CFAP299: variants seen among roughly 807,000 people sequenced by gnomAD.
CFAP299 encodes the protein cilia and flagella associated protein 299, also known as cilia- and flagella-associated protein 299.
In CFAP299, 21 loss-of-function variants were observed where a neutral mutation model predicts 27.0. That is an observed-to-expected ratio of 0.78 (90% CI 0.55 to 1.12). CFAP299 has a LOEUF of 1.12. Ranked by LOEUF, CFAP299 falls within the 50% of genes most tolerant of loss-of-function variation. The pLI, the probability that CFAP299 is intolerant of heterozygous loss-of-function variation, is 0.00. For missense variants in CFAP299, 310 were observed against 276.6 expected (o/e 1.12, Z -0.86); for synonymous variants, 104 against 98.1 (o/e 1.06, Z -0.36).
intron 3 of CFAP299, among the ~76,000 whole-genome samples, chr4:80,631,916 T>C (rs1739234699): frequency 1.6e-5 from 2 of 128,262 alleles, no homozygotes; most frequent in Admixed American, 9.8e-5. Flanking sequence ...AATGTGCTGG[T>C]ATTAGGCAGT....
intron 3 of CFAP299, among the ~76,000 whole-genome samples, chr4:80,841,304 A>T (rs1050108556): frequency 2.6e-5 from 4 of 151,984 alleles, no homozygotes; most frequent in African/African-American, 9.7e-5. Context: ...AGGCCACTAA[A>T]CTCCACCTAT....
intron 2 of CFAP299, among the ~76,000 whole-genome samples, chr4:80,483,396 T>C (rs1730660997): frequency 6.6e-6 from 1 of 152,218 alleles, no homozygotes; most frequent in African/African-American, 2.4e-5. Context: ...ATTCTCTTTC[T>C]AATTAAATTT....
At chr4:80,701,452 G>A (rs1297051958) in intron 3 of CFAP299, among the ~76,000 whole-genome samples, 1 of 151,960 alleles carries the variant, frequency 6.6e-6, no homozygotes, top group Non-Finnish European at 1.5e-5. Flanking sequence ...GACTCTTTTG[G>A]CAAGGAGTGA....
intron 2 of CFAP299, among the ~76,000 whole-genome samples, chr4:80,497,761 TAA>T (rs1474041130): frequency 6.6e-6 from 1 of 152,060 alleles, no homozygotes; most frequent in Non-Finnish European, 1.5e-5. Context: ...AAAACTATAC[TAA>T]AAGTCACATG....
intron 2 of CFAP299, among the ~76,000 whole-genome samples, chr4:80,463,808 A>T: frequency 6.6e-6 from 1 of 152,094 alleles, no homozygotes; most frequent in East Asian, 1.9e-4. Flanking sequence ...TTCAGTCCAT[A>T]ACATTATACT....
chr4:80,916,467 C>A (rs1340235477), intron 4 of CFAP299, among the ~76,000 whole-genome samples: 2 of 151,546 alleles, frequency 1.3e-5, no homozygotes, highest in African/African-American at 2.4e-5. Context: ...TTATAAATTT[C>A]TGACGCTTGT....
chr4:80,479,800 C>T (rs1730463439), intron 2 of CFAP299, among the ~76,000 whole-genome samples: 1 of 151,808 alleles, frequency 6.6e-6, no homozygotes, highest in Non-Finnish European at 1.5e-5. Flanking sequence ...ATAAAGTTAG[C>T]CTAAATCTTG....
intron 3 of CFAP299, among the ~76,000 whole-genome samples, chr4:80,843,677 C>T (rs763502552): frequency 1.3e-5 from 2 of 152,094 alleles, no homozygotes; most frequent in Non-Finnish European, 2.9e-5. Context: ...AATGGCTGAA[C>T]TAGTTTACAG....
chr4:80,393,282 A>T lies in CFAP299; in HGVS notation c.242+30398A>T, dbSNP rs115033969. On this transcript the variant is annotated intron_variant, in intron 2 of 5. Coordinates refer to ENST00000358105, the MANE Select transcript of CFAP299 (RefSeq NM_152770.3). ...TACAAAAGAGACAGAAAAGTAAAAA[A>T]TTGTAAAAGTTTATAAAATAAAAAG... 8.4e-4 allele frequency among the ~76,000 whole-genome samples: 128 copies of T among 152,324 alleles called. 1 individual carries two copies. Among genetic ancestry groups the T allele is most frequent in the African/African-American group, 3.0e-3 (126 of 41,580 alleles).
intron 2 of CFAP299, chr4:80,388,184 GA>G: frequency 1.5e-6 from 1 of 689,272 alleles, no homozygotes. Flanking sequence ...AGGAGGGGGT[GA>G]AGGCTAGGTG....
the CFAP299 span, among the ~76,000 whole-genome samples, chr4:80,324,988 T>C: frequency 6.6e-6 from 1 of 152,154 alleles, no homozygotes; most frequent in South Asian, 2.1e-4. Flanking sequence ...TTGGGCATGG[T>C]GGCACGTGCC....
chr4:80,663,273 A>C (rs1399018187), intron 3 of CFAP299, among the ~76,000 whole-genome samples: 1 of 152,004 alleles, frequency 6.6e-6, no homozygotes, highest in Non-Finnish European at 1.5e-5. Flanking sequence ...TCCTAATGCT[A>C]TCCCTCCTTC....
intron 3 of CFAP299, among the ~76,000 whole-genome samples, chr4:80,864,555 TATA>T (rs1732604615): frequency 6.7e-6 from 1 of 148,402 alleles, no homozygotes; most frequent in Non-Finnish European, 1.5e-5. Flanking sequence ...GGTATATATA[TATA>T]ATAACTAAAA....
intron 3 of CFAP299, among the ~76,000 whole-genome samples, chr4:80,776,739 A>G (rs1480798969): frequency 1.3e-5 from 2 of 152,086 alleles, no homozygotes; most frequent in Non-Finnish European, 2.9e-5. Flanking sequence ...GTATCCCGGA[A>G]CTTAAAGTAA....
At chr4:80,450,978 T>C (rs1187531275) in intron 2 of CFAP299, among the ~76,000 whole-genome samples, 1 of 151,838 alleles carries the variant, frequency 6.6e-6, no homozygotes, top group African/African-American at 2.4e-5. Context: ...TACCCAGCCC[T>C]GTAGGTAGCA....
At chr4:80,806,870 T>C (rs1728891159) in intron 3 of CFAP299, among the ~76,000 whole-genome samples, 1 of 152,140 alleles carries the variant, frequency 6.6e-6, no homozygotes, top group African/African-American at 2.4e-5. Context: ...CAGTAGAAAA[T>C]CCCAGGACAT....
At position 80,617,222 on chromosome 4, in the gene CFAP299, G is replaced by C. The variant is rs1355121895; in HGVS notation, c.333+34039G>C. On this transcript the variant is annotated intron_variant, in intron 3 of 5. Coordinates refer to ENST00000358105, the MANE Select transcript of CFAP299 (RefSeq NM_152770.3). Reference sequence around the variant, plus strand: ...CCCTTGGAGATGTAACAGGAGATTAGTTCTGAATGGGAAAATTTGGGAGTG... The same window carrying C: ...CCCTTGGAGATGTAACAGGAGATTACTTCTGAATGGGAAAATTTGGGAGTG... 3.3e-5 allele frequency among the ~76,000 whole-genome samples: 5 copies of C among 152,150 alleles called. No homozygotes were observed. In the South Asian group the frequency reaches 6.2e-4, roughly 19 times the overall value.
chr4:80,946,750 A>G (rs1737497844), intron 5 of CFAP299, among the ~76,000 whole-genome samples: 1 of 152,212 alleles, frequency 6.6e-6, no homozygotes, highest in South Asian at 2.1e-4. Flanking sequence ...TGAATACCAG[A>G]GTACTTTATC....
chr4:80,710,921 C>A (rs1233992569), intron 3 of CFAP299, among the ~76,000 whole-genome samples: 1 of 152,112 alleles, frequency 6.6e-6, no homozygotes. Flanking sequence ...CATGACTGTG[C>A]TTTGGTCAAG....
Sources: gnomAD v4.1 joint callset for allele counts (sites outside exome capture counted in the v4.1 genomes callset) on GRCh38, gnomAD v4.1.1 for gene constraint, MANE v1.5 for transcripts, NCBI Gene and HGNC (gene_info 2026-07-23, HGNC 2026-07-21) for gene names.